Variants in BBS9 observed in about 807,000 individuals in gnomAD.
BBS9 encodes protein PTHB1.
Under a neutral mutation model 117.7 loss-of-function variants are expected in BBS9, and 89 were observed. The ratio of observed to expected loss-of-function variants is 0.76; its 90% CI spans 0.64 to 0.90. The LOEUF is 0.90. Among genes scored for constraint, BBS9 ranks in the 40% least tolerant of loss-of-function variants. The probability of loss-of-function intolerance (pLI) is 0.00; values close to 1 mark genes in which losing one functional copy is unlikely to be tolerated. For synonymous variants in BBS9, 379 were observed against 370.9 expected (o/e 1.02, Z -0.25); for missense variants, 982 against 1,042.2 (o/e 0.94, Z 0.80).
At chr7:33,592,285 G>C (rs1862055335) in intron 21 of BBS9, among the ~76,000 whole-genome samples, 1 of 151,968 alleles carries the variant, frequency 6.6e-6, no homozygotes, top group Non-Finnish European at 1.5e-5. Context: ...CCCATTACAA[G>C]CATCTAATTT....
At chr7:33,397,114 TAAAC>T (rs1333437021) in intron 19 of BBS9, among the ~76,000 whole-genome samples, 3 of 152,048 alleles carry the variant, frequency 2.0e-5, no homozygotes, top group African/African-American at 7.2e-5. Context: ...ACAAGGAACT[TAAAC>T]AAATTTACAA....
chr7:33,389,412 G>A (rs984682794), intron 19 of BBS9, among the ~76,000 whole-genome samples: 1 of 152,120 alleles, frequency 6.6e-6, no homozygotes, highest in Non-Finnish European at 1.5e-5. Context: ...TGGTTAGGCT[G>A]GGCATGGTGG....
In BBS9 at chr7:33,476,399, G is replaced by A. The variant is rs373881600; in HGVS notation, c.2116-29064G>A. On this transcript the variant is annotated intron_variant, in intron 19 of 22. Coordinates refer to ENST00000242067, the MANE Select transcript of BBS9 (RefSeq NM_198428.3). ...GATGCAGGCATTTCTCAGGATCCAC[G>A]TCAGCTGGGAGGCACTGGGAGGAGA... Among the ~76,000 whole-genome samples, 25 of 152,266 alleles carry A rather than the reference G, an allele frequency of 1.6e-4. No individual in the cohort carries two copies. The South Asian group carries it at 3.9e-3, about 24-fold the overall frequency.
intron 19 of BBS9, among the ~76,000 whole-genome samples, chr7:33,430,405 G>A (rs948195464): frequency 1.3e-5 from 2 of 152,118 alleles, no homozygotes; most frequent in African/African-American, 4.8e-5. Context: ...GGACTCAGCA[G>A]CTTTTTTCTT....
chr7:33,436,366 T>A lies in BBS9; in HGVS notation c.2115+48222T>A, dbSNP rs180941724. Reference sequence around the variant, plus strand: ...TCATCGGTTAAAATCTTTACTTTGTTATTATTAATGATTAATGTAATAGCC... The same window carrying A: ...TCATCGGTTAAAATCTTTACTTTGTAATTATTAATGATTAATGTAATAGCC... On this transcript the variant is annotated intron_variant, in intron 19 of 22. Transcript: ENST00000242067. Among the ~76,000 whole-genome samples the A allele has an allele frequency of 3.3e-5, 5 of 152,340 alleles. No homozygotes were observed. The East Asian group carries it at 7.7e-4, about 24-fold the overall frequency.
chr7:33,178,463 G>T (rs1454807140), intron 5 of BBS9, among the ~76,000 whole-genome samples: 4 of 152,082 alleles, frequency 2.6e-5, no homozygotes, highest in African/African-American at 9.7e-5. Context: ...CTTGCTGTTG[G>T]CATGGGAGGG....
Position 33,586,417 on chromosome 7 carries a change from A to C in BBS9, c.2522-18448A>C, listed in dbSNP as rs189542356. ...ATAACAGATCTGGGTGAGGCCACAG[A>C]GAAAAGGGAATGCTTATATACTGTA... On this transcript the variant is annotated intron_variant, in intron 21 of 22. Transcript: ENST00000242067. Among the ~76,000 whole-genome samples, 31 of 152,200 alleles carry C rather than the reference A, an allele frequency of 2.0e-4. No homozygotes were observed. The East Asian group carries it at 5.8e-3, about 28-fold the overall frequency.
intron 19 of BBS9, among the ~76,000 whole-genome samples, chr7:33,466,997 C>G (rs1284986710): frequency 1.5e-5 from 2 of 130,934 alleles, no homozygotes; most frequent in Non-Finnish European, 3.2e-5. Flanking sequence ...CATATTCATT[C>G]ATTCATTCAT....
intron 19 of BBS9, among the ~76,000 whole-genome samples, chr7:33,397,331 T>C (rs920897649): frequency 3.9e-5 from 6 of 152,090 alleles, no homozygotes; most frequent in African/African-American, 1.4e-4. Flanking sequence ...CAGATACTGA[T>C]GAGGTTGAAG....
intron 19 of BBS9, among the ~76,000 whole-genome samples, chr7:33,500,276 T>C (rs947476450): frequency 3.9e-5 from 6 of 152,252 alleles, no homozygotes; most frequent in African/African-American, 1.4e-4. Context: ...TTTGCTTAAA[T>C]ATCAAGATGA....
chr7:33,441,280 C>CAA (rs10706136), intron 19 of BBS9, among the ~76,000 whole-genome samples: 8 of 141,674 alleles, frequency 5.6e-5, no homozygotes, highest in South Asian at 2.2e-4. Context: ...TGTAGATGGC[C>CAA]AAAAAAAAAA....
At chr7:33,576,218 C>T (rs1858831488) in intron 21 of BBS9, among the ~76,000 whole-genome samples, 1 of 152,172 alleles carries the variant, frequency 6.6e-6, no homozygotes, top group South Asian at 2.1e-4. Context: ...TCTCAGAATA[C>T]AAAATCAATG....
At chr7:33,427,282 T>C (rs896777068) in intron 19 of BBS9, among the ~76,000 whole-genome samples, 5 of 152,208 alleles carry the variant, frequency 3.3e-5, no homozygotes, top group South Asian at 2.1e-4. Flanking sequence ...ACTTGTTAAT[T>C]TGCAATTACA....
intron 5 of BBS9, among the ~76,000 whole-genome samples, chr7:33,179,215 A>G (rs1797756361): frequency 6.6e-6 from 1 of 152,200 alleles, no homozygotes; most frequent in Non-Finnish European, 1.5e-5. Context: ...ATGAGAAAAA[A>G]GTGCTTTGGC....
In BBS9 at chr7:33,166,569, G is replaced by A. The variant is rs147817780; in HGVS notation, c.328+10867G>A. Among the ~76,000 whole-genome samples the A allele has an allele frequency of 1.4e-3, 209 of 152,352 alleles. 4 individuals carry two copies. The East Asian group carries it at 0.036, about 26-fold the overall frequency. ...TACCTACTCAAGCCTCAGCAATGGCGGATGCCCCTCCCCCTGCCAGGCTGC... is the reference window on the plus strand; with the variant it reads ...TACCTACTCAAGCCTCAGCAATGGCAGATGCCCCTCCCCCTGCCAGGCTGC... On this transcript the variant is annotated intron_variant, in intron 4 of 22. Coordinates refer to ENST00000242067, the MANE Select transcript of BBS9 (RefSeq NM_198428.3).
In BBS9 at chr7:33,238,296, CT is replaced by C. The variant is rs952286390; in HGVS notation, c.443-18929del. Among the ~76,000 whole-genome samples, 87 of 146,178 alleles carry C rather than the reference CT, an allele frequency of 6.0e-4. 1 individual carries two copies. The highest frequency in any genetic ancestry group is 1.0e-3 in the African/African-American group (42 of 40,212). On this transcript the variant is annotated intron_variant, in intron 5 of 22. Coordinates refer to ENST00000242067, the MANE Select transcript of BBS9 (RefSeq NM_198428.3). ...GTGGGGAGTGTGATTCCTCAAAGGT[CT>C]TTTTTTTTTTGAGACGGAGTTTCGC...
intron 17 of BBS9, 115 bp downstream of exon 17, chr7:33,367,977 A>T (rs995317332): frequency 9.0e-5 from 76 of 847,812 alleles, no homozygotes; most frequent in Non-Finnish European, 1.3e-4. Context: ...AGATTTCAGT[A>T]ACTAAAAGCC....
chr7:33,306,185 C>T (rs952880984), intron 9 of BBS9, among the ~76,000 whole-genome samples: 1 of 151,866 alleles, frequency 6.6e-6, no homozygotes, highest in Non-Finnish European at 1.5e-5. Context: ...GTTTAGTTTC[C>T]ATGTGTTTGT....
intron 9 of BBS9, among the ~76,000 whole-genome samples, chr7:33,312,381 AAT>A (rs1809455496): frequency 6.6e-6 from 1 of 152,220 alleles, no homozygotes; most frequent in Non-Finnish European, 1.5e-5. Context: ...TTGCATTAAA[AAT>A]ATTGTTTTTA....
Sources: gnomAD v4.1 joint callset for allele counts (sites outside exome capture counted in the v4.1 genomes callset) on GRCh38, gnomAD v4.1.1 for gene constraint, MANE v1.5 for transcripts, NCBI Gene and HGNC (gene_info 2026-07-23, HGNC 2026-07-21) for gene names.